SCAF8: variants seen among roughly 807,000 people sequenced by gnomAD.
SCAF8 encodes SR-related and CTD-associated factor 8.
A neutral mutation model predicts 140.5 loss-of-function variants in SCAF8; 23 were observed. That is an observed-to-expected ratio of 0.16 (90% CI 0.12 to 0.23). SCAF8 has a LOEUF of 0.23. Among genes scored for constraint, SCAF8 ranks in the 10% least tolerant of loss-of-function variants. The probability of loss-of-function intolerance (pLI) is 1.00; values close to 1 mark genes in which losing one functional copy is unlikely to be tolerated. For missense variants in SCAF8, 1,397 were observed against 1,555.7 expected (o/e 0.90, Z 1.72); for synonymous variants, 575 against 528.9 (o/e 1.09, Z -1.20).
intron 6 of SCAF8, among the ~76,000 whole-genome samples, chr6:154,796,389 C>CTCTCTCTGTCTGTCTGTCTG: frequency 7.1e-6 from 1 of 141,060 alleles, no homozygotes; most frequent in African/African-American, 2.7e-5. Context: ...CTCTCTCTCT[C>CTCTCTCTGTCTGTCTGTCTG]TCTGTCTCTC....
chr6:154,824,330 C>T lies in SCAF8; in HGVS notation c.2023C>T (p.Pro675Ser), dbSNP rs772846652. 7 of 1,614,012 alleles carry T rather than the reference C, an allele frequency of 4.3e-6. No individual in the cohort carries two copies. Among genetic ancestry groups the T allele is most frequent in the Non-Finnish European group, 5.9e-6 (7 of 1,179,874 alleles). ...VPPPGFSPIP[P>S]PPFLRASFNP... is the part of the protein sequence containing the mutation. Reference sequence around the variant, plus strand: ...TCCTCCTGGATTCAGTCCAATCCCTCCACCTCCTTTTTTAAGAGCAAGTTT... The same window carrying T: ...TCCTCCTGGATTCAGTCCAATCCCTTCACCTCCTTTTTTAAGAGCAAGTTT... Residue 675 changes from proline (P) to serine (S), a missense_variant, in exon 17 of 20, where the codon CCA becomes TCA. Physicochemically the swap from Pro to Ser is moderately conservative, Grantham distance 74. This residue lies in a region of SCAF8 where 930 missense variants were observed against 874.6 expected (regional missense o/e 1.06). Coordinates refer to ENST00000367178, the MANE Select transcript of SCAF8 (RefSeq NM_014892.5).
intron 1 of SCAF8, among the ~76,000 whole-genome samples, chr6:154,741,770 A>G (rs967333788): frequency 5.3e-5 from 8 of 152,170 alleles, no homozygotes; most frequent in South Asian, 4.1e-4. Flanking sequence ...TACTAGTTGT[A>G]TGTACAATTT....
At chr6:154,828,426 T>A (rs1400247410) in intron 18 of SCAF8, among the ~76,000 whole-genome samples, 1 of 152,134 alleles carries the variant, frequency 6.6e-6, no homozygotes, top group African/African-American at 2.4e-5. Flanking sequence ...TCTCTTCATC[T>A]TCTCCTCCCT....
intron 4 of SCAF8, among the ~76,000 whole-genome samples, chr6:154,789,216 C>G (rs10872711): frequency 0.22 from 32,874 of 151,834 alleles, 4,247 homozygotes; most frequent in East Asian, 0.64. Context: ...TCAAGTGATT[C>G]TCCTGCCTCA....
intron 1 of SCAF8, among the ~76,000 whole-genome samples, chr6:154,754,371 A>G (rs1170386623): frequency 2.0e-5 from 3 of 152,228 alleles, no homozygotes; most frequent in Non-Finnish European, 2.9e-5. Flanking sequence ...CATCTGATTC[A>G]GTGACGTTGC....
Position 154,763,889 on chromosome 6 carries a change from C to T in SCAF8, c.31-10100C>T, listed in dbSNP as rs575255680. On this transcript the variant is annotated intron_variant, in intron 1 of 19. Coordinates refer to ENST00000367178, the MANE Select transcript of SCAF8 (RefSeq NM_014892.5). Reference sequence around the variant, plus strand: ...ATGGCTGTTTTCTTGCTACAAAGGGCAGAGCTGAGGAGTTGTGATAGAGAC... The same window carrying T: ...ATGGCTGTTTTCTTGCTACAAAGGGTAGAGCTGAGGAGTTGTGATAGAGAC... Among the ~76,000 whole-genome samples, 9 of 152,230 alleles carry T rather than the reference C, an allele frequency of 5.9e-5. No individual in the cohort carries two copies. In the East Asian group the frequency reaches 1.5e-3, roughly 26 times the overall value.
At chr6:154,809,404 T>C (rs1461259501) in intron 11 of SCAF8, among the ~76,000 whole-genome samples, 1 of 152,274 alleles carries the variant, frequency 6.6e-6, no homozygotes, top group Non-Finnish European at 1.5e-5. Flanking sequence ...TATTTATCTA[T>C]TGCAAATGAG....
At position 154,733,891 on chromosome 6, in the gene SCAF8, C is replaced by T. The variant is rs759755491; in HGVS notation, c.-10C>T. ...TCCGCCGCCGGGCTCGGGGCCTCCG[C>T]AGCGACAACATGGAGGCCGTGAAGA... On this transcript the variant is annotated 5_prime_UTR_variant, in exon 1 of 20. Coordinates refer to ENST00000367178, the MANE Select transcript of SCAF8 (RefSeq NM_014892.5). 2.7e-5 allele frequency: 42 copies of T among 1,544,250 alleles called. No individual in the cohort carries two copies. The highest frequency in any genetic ancestry group is 3.4e-5 in the Non-Finnish European group (39 of 1,150,612).
rs1778814711 is a variant in SCAF8, at chr6:154,833,542, G to A, written c.*147G>A. 1.3e-6 allele frequency: 1 copy of A among 751,214 alleles called. No homozygotes were observed. The highest frequency in any genetic ancestry group is 2.7e-5 in the East Asian group (1 of 37,012). 46.5% of individuals were successfully genotyped at this position (751,214 alleles called of 1,614,324 possible). ...TGTTCACCTTTCTCTTAAAATAATT[G>A]TACAACTGACTTGTATAGACATTGT... On this transcript the variant is annotated 3_prime_UTR_variant, in exon 20 of 20. Coordinates refer to ENST00000367178, the MANE Select transcript of SCAF8 (RefSeq NM_014892.5).
intron 1 of SCAF8, among the ~76,000 whole-genome samples, chr6:154,754,006 A>G (rs1778905314): frequency 6.6e-6 from 1 of 152,172 alleles, no homozygotes; most frequent in Non-Finnish European, 1.5e-5. Context: ...CCTGGTCTCC[A>G]TATTGTTTTT....
rs75151132 is a variant in SCAF8 at position 154,783,694 on chromosome 6, A to G, written c.160-4167A>G. On this transcript the variant is annotated intron_variant, in intron 3 of 19. Transcript: ENST00000367178. Reference sequence around the variant, plus strand: ...TGGTGGTTGATATTTTGCAGTGGATATGTATATATTTTTCAAAGAAGCGAA... The same window carrying G: ...TGGTGGTTGATATTTTGCAGTGGATGTGTATATATTTTTCAAAGAAGCGAA... Among the ~76,000 whole-genome samples, 556 of 152,288 alleles carry G rather than the reference A, an allele frequency of 3.7e-3. 4 individuals carry two copies. Among genetic ancestry groups the G allele is most frequent in the African/African-American group, 0.013 (530 of 41,538 alleles).
intron 14 of SCAF8, among the ~76,000 whole-genome samples, chr6:154,819,741 T>C (rs911085703): frequency 2.0e-5 from 3 of 152,206 alleles, no homozygotes; most frequent in African/African-American, 7.2e-5. Context: ...CTATGTCTAA[T>C]GTAAGTTTTA....
chr6:154,806,651 C>T (rs1420488459), intron 9 of SCAF8, among the ~76,000 whole-genome samples: 1 of 152,140 alleles, frequency 6.6e-6, no homozygotes, highest in Non-Finnish European at 1.5e-5. Context: ...AAACTTGAGA[C>T]ATTGGGGTCT....
chr6:154,774,189 T>A (rs1776853077), intron 2 of SCAF8, 117 bp downstream of exon 2: 1 of 708,402 alleles, frequency 1.4e-6, no homozygotes, highest in Non-Finnish European at 2.4e-6. Flanking sequence ...TGTTAACACA[T>A]ATTGTGGAAA....
intron 4 of SCAF8, among the ~76,000 whole-genome samples, chr6:154,790,489 ATTTTTTTTTTTTTTTTTTTTTTTT>A (rs57095332): frequency 8.5e-5 from 6 of 70,878 alleles, no homozygotes; most frequent in Non-Finnish European, 1.6e-4. Context: ...ATTTAACAGA[ATTTTTTTTTTTTTTTTTTTTTTTT>A]TTTTTTTTTT....
intron 1 of SCAF8, among the ~76,000 whole-genome samples, chr6:154,744,775 G>C (rs1161007334): frequency 6.6e-6 from 1 of 152,098 alleles, no homozygotes; most frequent in African/African-American, 2.4e-5. Flanking sequence ...CACCTTCATA[G>C]AAAAATAGTA....
intron 2 of SCAF8, among the ~76,000 whole-genome samples, chr6:154,776,392 A>G (rs947130046): frequency 6.6e-6 from 1 of 152,098 alleles, no homozygotes; most frequent in African/African-American, 2.4e-5. Flanking sequence ...TGTTTTTTAT[A>G]TAGAAATGAT....
In SCAF8 at chr6:154,802,066, A is replaced by G. The variant is rs1288358148; in HGVS notation, c.702A>G (p.Gln234=). ...ATGCTGGTCTTGTTGTTCAGTTGCA[A>G]GCTCTTACGGCACAACTTACAGCTG... ...ALDAGLVVQL[Q]ALTAQLTAAA... The change falls in exon 7 of 20, where the codon CAA becomes CAG. Residue 234 remains glutamine (Q), a synonymous_variant. Transcript: ENST00000367178. The G allele has an allele frequency of 6.2e-7, 1 of 1,613,496 alleles. No individual in the cohort carries two copies. Among genetic ancestry groups the G allele is most frequent in the Non-Finnish European group, 8.5e-7 (1 of 1,179,690 alleles).
intron 3 of SCAF8, among the ~76,000 whole-genome samples, chr6:154,784,337 C>T (rs1484083415): frequency 6.6e-6 from 1 of 151,408 alleles, no homozygotes; most frequent in Non-Finnish European, 1.5e-5. Context: ...AGTTCCTCTT[C>T]CCTAGGATAT....
Sources: allele counts gnomAD v4.1 joint callset (sites outside exome capture counted in the v4.1 genomes callset), GRCh38; gene constraint gnomAD v4.1.1; regional missense constraint gnomAD v4.1.1; transcripts MANE v1.5; gene names NCBI Gene and HGNC (gene_info 2026-07-23, HGNC 2026-07-21).